Variants in GAST observed in about 807,000 individuals in gnomAD.
GAST encodes the protein gastrin, also known as preprogastrin.
Under a neutral mutation model 12.5 loss-of-function variants are expected in GAST, and 9 were observed. The ratio of observed to expected loss-of-function variants is 0.72; its 90% CI spans 0.43 to 1.25. The LOEUF is 1.25. Ranked by LOEUF, GAST falls within the 50% of genes most tolerant of loss-of-function variation. The pLI, the probability that GAST is intolerant of heterozygous loss-of-function variation, is 0.00. For missense variants in GAST, 121 were observed against 127.7 expected, an observed-to-expected ratio of 0.95 and a Z score of 0.25; for synonymous variants, 52 against 51.1, an observed-to-expected ratio of 1.02 and a Z score of -0.08.
intron 1 of GAST, among the ~76,000 whole-genome samples, chr17:41,714,819 A>G (rs576636817): frequency 6.6e-6 from 1 of 152,234 alleles, no homozygotes; most frequent in East Asian, 1.9e-4. Flanking sequence ...CAGAACCACT[A>G]ACATGGCCTC....
Position 41,715,869 on chromosome 17 carries a change from C to G in GAST, c.303C>G (p.Asn101Lys), listed in dbSNP as rs550406204. 1.7e-4 allele frequency: 265 copies of G among 1,599,498 alleles called. No individual in the cohort carries two copies. The highest frequency in any genetic ancestry group is 2.2e-4 in the Non-Finnish European group (258 of 1,174,904). The change falls in exon 3 of 3, where the codon AAC (asparagine) becomes AAG (lysine). Residue 101 changes from asparagine to lysine, a missense_variant. Physicochemically the swap from Asn to Lys is moderately conservative, Grantham distance 94. Transcript: ENST00000329402. ...DFGRRSAEDEN is the reference protein window; with the variant it reads ...DFGRRSAEDEK ...GCCGCCGCAGTGCTGAGGATGAGAA[C>G]TAACAATCCTAGAACCAAGCTTCAG...
intron 2 of GAST, 21 bp from the exon 3 acceptor site, chr17:41,715,757 T>A: frequency 3.8e-6 from 6 of 1,598,132 alleles, no homozygotes; most frequent in Non-Finnish European, 4.3e-6. Flanking sequence ...TCCCCCATTC[T>A]CGCCTCTCTC....
At chr17:41,713,244 T>G (rs1910896057) in intron 1 of GAST, among the ~76,000 whole-genome samples, 1 of 152,150 alleles carries the variant, frequency 6.6e-6, no homozygotes, top group South Asian at 2.1e-4. Context: ...TTAATTTAAA[T>G]GTAAAGAGCC....
chr17:41,713,762 T>C (rs1236105670), intron 1 of GAST, among the ~76,000 whole-genome samples: 2 of 152,172 alleles, frequency 1.3e-5, no homozygotes, highest in African/African-American at 4.8e-5. Flanking sequence ...AATACAAATG[T>C]ATTCTGACAA....
intron 1 of GAST, among the ~76,000 whole-genome samples, chr17:41,714,913 G>A (rs1323848288): frequency 2.6e-5 from 4 of 152,298 alleles, no homozygotes; most frequent in African/African-American, 9.6e-5. Context: ...AATCGGGGTA[G>A]GTAAAGAGAA....
In GAST at chr17:41,715,385, T is replaced by A. The variant is rs1291508878; in HGVS notation, c.-5-47T>A. The A allele has an allele frequency of 7.4e-6, 11 of 1,485,456 alleles. No individual in the cohort carries two copies. The African/African-American group carries it at 1.5e-4, about 21-fold the overall frequency. 92.0% of individuals were successfully genotyped at this position (1,485,456 alleles called of 1,614,324 possible). A position where few individuals can be genotyped will look rare whatever the true frequency, so the allele number is the denominator to read the frequency against. On this transcript the variant is annotated intron_variant, in intron 1 of 2. Transcript: ENST00000329402. ...GTTCAGTCCCCTGCCTCTGGGCCTC[T>A]GTGGGGACAGCCTCACCCTTAAGCT...
intron 1 of GAST, among the ~76,000 whole-genome samples, 181 bp from the exon 2 acceptor site, chr17:41,715,251 G>C (rs1910942787): frequency 6.6e-6 from 1 of 150,926 alleles, no homozygotes; most frequent in Non-Finnish European, 1.5e-5. Flanking sequence ...AGTGAGCCGA[G>C]ATCCCACCAC....
In GAST at chr17:41,715,897, C is replaced by T; in HGVS notation, c.*25C>T. 6.5e-7 allele frequency: 1 copy of T among 1,546,376 alleles called. No individual in the cohort carries two copies. The highest frequency in any genetic ancestry group is 1.2e-5 in the South Asian group (1 of 82,670). ...ACAATCCTAGAACCAAGCTTCAGAG[C>T]CTAGCCACCTCCCACCCCACTCCAG... On this transcript the variant is annotated 3_prime_UTR_variant, in exon 3 of 3. Coordinates refer to ENST00000329402, the MANE Select transcript of GAST (RefSeq NM_000805.5).
chr17:41,712,797 C>G (rs1451870247), intron 1 of GAST, among the ~76,000 whole-genome samples: 3 of 152,212 alleles, frequency 2.0e-5, no homozygotes, highest in Non-Finnish European at 2.9e-5. Flanking sequence ...ACTTCAAGCC[C>G]TTTCCTAGAC....
Position 41,715,519 on chromosome 17 carries a change from A to G in GAST, c.83A>G (p.Gln28Arg), listed in dbSNP as rs1257841356. The G allele has an allele frequency of 3.7e-6, 6 of 1,613,664 alleles. No homozygotes were observed. The highest frequency in any genetic ancestry group is 1.7e-6 in the Non-Finnish European group (2 of 1,180,040). The change falls in exon 2 of 3, where the codon CAG (glutamine) becomes CGG (arginine). Residue 28 changes from glutamine (Q) to arginine (R), a missense_variant. Transcript: ENST00000329402. ...GAAGCTTCTTGGAAGCCCCGCTCCC[A>G]GCAGCCAGATGCACCCTTAGGTACA... ...FSEASWKPRS[Q>R]QPDAPLGTGA...
chr17:41,715,688 G>C (rs530585753), intron 2 of GAST, 41 bp downstream of exon 2: 13 of 1,605,682 alleles, frequency 8.1e-6, no homozygotes, highest in Non-Finnish European at 1.1e-5. Context: ...ACTTGGCCAG[G>C]TTTGGCCAAG....
chr17:41,712,995 A>G (rs1261273314), intron 1 of GAST, among the ~76,000 whole-genome samples: 1 of 152,058 alleles, frequency 6.6e-6, no homozygotes, highest in Non-Finnish European at 1.5e-5. Context: ...AGTGACATGC[A>G]ACCTCTGCCT....
In GAST at chr17:41,715,310, AAAAG is replaced by A. The variant is rs1310071486; in HGVS notation, c.-5-115_-5-112del. The A allele has an allele frequency of 8.2e-6, 6 of 729,918 alleles. No homozygotes were observed. The East Asian group carries it at 1.0e-4, about 13-fold the overall frequency. The allele number at this position is 729,918 out of a possible 1,614,324, so 45.2% of individuals were successfully genotyped here. A position where few individuals can be genotyped will look rare whatever the true frequency, so the allele number is the denominator to read the frequency against. ...AGTGAAACTCTGTCTAAAAAAAAAA[AAAAG>A]AAAGAATTGCACACTCATCAGCAGG... On this transcript the variant is annotated intron_variant, in intron 1 of 2. Transcript: ENST00000329402.
chr17:41,714,631 T>G (rs1201564696), intron 1 of GAST, among the ~76,000 whole-genome samples: 15 of 152,086 alleles, frequency 9.9e-5, no homozygotes, highest in African/African-American at 3.6e-4. Flanking sequence ...AAAAATTAGC[T>G]GGACGTGGTG....
intron 1 of GAST, among the ~76,000 whole-genome samples, chr17:41,714,260 C>T (rs542950388): frequency 1.1e-3 from 167 of 152,254 alleles, no homozygotes; most frequent in African/African-American, 3.8e-3. Context: ...GCAACCTCCA[C>T]CTCCCCGGTT....
Position 41,715,534 on chromosome 17 carries a change from CCTTAGGTA to C in GAST, c.100_107del (p.Leu34ArgfsTer62), listed in dbSNP as rs1555585763. On this transcript the variant is annotated frameshift_variant, in exon 2 of 3. Transcript: ENST00000329402. LOFTEE classifies it high-confidence loss of function. ...CCCCGCTCCCAGCAGCCAGATGCACCCTTAGGTACAGGGGCCAACAGGGACCTGGAGCT... is the reference window on the plus strand; with the variant it reads ...CCCCGCTCCCAGCAGCCAGATGCACCCAGGGGCCAACAGGGACCTGGAGCT... The C allele has an allele frequency of 6.2e-7, 1 of 1,613,450 alleles. No homozygotes were observed. The highest frequency in any genetic ancestry group is 1.7e-5 in the Admixed American group (1 of 60,000).
chr17:41,715,797 A>C lies in GAST; in HGVS notation c.231A>C (p.Gly77=). ...CCTCAGACCCGTCCAAGAAGCAGGG[A>C]CCATGGCTGGAGGAAGAAGAAGAAG... The part of the protein sequence containing the change: ...HLVADPSKKQ[G]PWLEEEEEAY... Residue 77 remains glycine (G), a synonymous_variant, in exon 3 of 3, where the codon GGA becomes GGC. Coordinates refer to ENST00000329402, the MANE Select transcript of GAST (RefSeq NM_000805.5). The C allele has an allele frequency of 1.2e-6, 2 of 1,611,166 alleles. No homozygotes were observed. Among genetic ancestry groups the C allele is most frequent in the Non-Finnish European group, 1.7e-6 (2 of 1,179,074 alleles).
chr17:41,715,914 C>A lies in GAST; in HGVS notation c.*42C>A. The stretch of plus-strand genomic sequence containing the variant: ...CTTCAGAGCCTAGCCACCTCCCACC[C>A]CACTCCAGCCCTGTCCCCTGAAAAA... On this transcript the variant is annotated 3_prime_UTR_variant, in exon 3 of 3. Coordinates refer to ENST00000329402, the MANE Select transcript of GAST (RefSeq NM_000805.5). 1 of 1,428,952 alleles carries A rather than the reference C, an allele frequency of 7.0e-7. No individual in the cohort carries two copies. Among genetic ancestry groups the A allele is most frequent in the East Asian group, 2.3e-5 (1 of 43,954 alleles). The allele number at this position is 1,428,952 out of a possible 1,614,324, so 88.5% of individuals were successfully genotyped here.
chr17:41,714,503 G>A (rs976621534), intron 1 of GAST, among the ~76,000 whole-genome samples: 7 of 152,054 alleles, frequency 4.6e-5, no homozygotes, highest in Non-Finnish European at 1.0e-4. Flanking sequence ...TGAGCACAGT[G>A]GCTCACATCT....
Sources: gnomAD v4.1 joint callset for allele counts (sites outside exome capture counted in the v4.1 genomes callset) on GRCh38, gnomAD v4.1.1 for gene constraint, MANE v1.5 for transcripts, NCBI Gene and HGNC (gene_info 2026-07-23, HGNC 2026-07-21) for gene names.